Variants in ROBO1 observed in about 807,000 individuals in gnomAD.
ROBO1 encodes roundabout guidance receptor 1.
A neutral mutation model predicts 195.9 loss-of-function variants in ROBO1; 149 were observed. The ratio of observed to expected loss-of-function variants is 0.76; its 90% CI spans 0.67 to 0.87. The LOEUF is 0.87. Among genes scored for constraint, ROBO1 ranks in the 40% least tolerant of loss-of-function variants. The pLI is 0.00. For missense variants in ROBO1, 1,933 were observed against 2,068.3 expected, an observed-to-expected ratio of 0.93 and a Z score of 1.27; for synonymous variants, 816 against 733.2, an observed-to-expected ratio of 1.11 and a Z score of -1.82.
At position 78,808,902 on chromosome 3, in the gene ROBO1, A is replaced by G. The variant is rs1383011378; in HGVS notation, c.500-62002T>C. ...CTAAAACCATAAAAACACTAGAAGA[A>G]AACCGAGGCAATACCATTCAGGACA... On this transcript the variant is annotated intron_variant, in intron 4 of 30. Transcript: ENST00000464233. 4.6e-5 allele frequency among the ~76,000 whole-genome samples: 7 copies of G among 152,198 alleles called. No individual in the cohort carries two copies. The East Asian group carries it at 1.2e-3, about 25-fold the overall frequency.
intron 14 of ROBO1, among the ~76,000 whole-genome samples, chr3:78,665,967 A>C (rs1707709556): frequency 6.6e-6 from 1 of 151,476 alleles, no homozygotes; most frequent in African/African-American, 2.4e-5. Flanking sequence ...AGTTCTCCTA[A>C]TCCCCATGTG....
chr3:79,034,931 T>C (rs2078356801), intron 3 of ROBO1, among the ~76,000 whole-genome samples: 1 of 152,072 alleles, frequency 6.6e-6, no homozygotes, highest in Admixed American at 6.6e-5. Flanking sequence ...ACTTTGTTGG[T>C]GAAACAGACA....
At chr3:79,230,201 C>T (rs2082295206) in intron 2 of ROBO1, among the ~76,000 whole-genome samples, 1 of 152,160 alleles carries the variant, frequency 6.6e-6, no homozygotes, top group Non-Finnish European at 1.5e-5. Context: ...TAATAACCTA[C>T]TAAAGCCCAG....
Position 79,185,042 on chromosome 3 carries a change from C to G in ROBO1, c.89-59503G>C, listed in dbSNP as rs140252738. Among the ~76,000 whole-genome samples the G allele has an allele frequency of 1.9e-3, 296 of 152,290 alleles. 1 individual carries two copies. The highest frequency in any genetic ancestry group is 6.8e-3 in the African/African-American group (283 of 41,572). On this transcript the variant is annotated intron_variant, in intron 2 of 30. Transcript: ENST00000464233. The stretch of plus-strand genomic sequence containing the variant: ...CAACTTCAAAAAGCTCGGTTTCTTT[C>G]TCTGTAGAATGTGGTTGATGACTTC...
intron 2 of ROBO1, among the ~76,000 whole-genome samples, chr3:79,152,181 A>G (rs897203640): frequency 6.6e-6 from 1 of 151,912 alleles, no homozygotes; most frequent in Non-Finnish European, 1.5e-5. Flanking sequence ...GAAATATGTT[A>G]CATGTGCAAC....
rs78751988 is a variant in ROBO1 at position 79,481,155 on chromosome 3, C to T, written c.88+108669G>A. ...ATGAAATCCATCTATAGAAAGAAAT[C>T]GACTGCCTTGCAACGAAAATGCCAA... On this transcript the variant is annotated intron_variant, in intron 2 of 30. Coordinates refer to ENST00000464233, the MANE Select transcript of ROBO1 (RefSeq NM_002941.4). Among the ~76,000 whole-genome samples the T allele has an allele frequency of 1.7e-3, 252 of 152,100 alleles. 5 individuals are homozygous for T. The highest frequency in any genetic ancestry group is 1.9e-3 in the Non-Finnish European group (131 of 67,958).
At chr3:79,268,559 C>T (rs76744453) in intron 2 of ROBO1, among the ~76,000 whole-genome samples, 285 of 151,598 alleles carry the variant, frequency 1.9e-3, no homozygotes, top group South Asian at 3.1e-3. Context: ...TTCAAATTTA[C>T]GGTTTTATCT....
intron 2 of ROBO1, among the ~76,000 whole-genome samples, chr3:79,167,187 G>A (rs1354963444): frequency 7.4e-6 from 1 of 134,330 alleles, no homozygotes; most frequent in African/African-American, 3.3e-5. Flanking sequence ...AAAATTAATA[G>A]CACAAAAGCA....
chr3:79,231,248 A>G (rs1049975257), intron 2 of ROBO1, among the ~76,000 whole-genome samples: 1 of 152,204 alleles, frequency 6.6e-6, no homozygotes, highest in Non-Finnish European at 1.5e-5. Flanking sequence ...GATCTTCTGC[A>G]CAGCAAAAGA....
chr3:78,863,152 C>T (rs569423341), intron 4 of ROBO1, among the ~76,000 whole-genome samples: 1 of 152,210 alleles, frequency 6.6e-6, no homozygotes, highest in African/African-American at 2.4e-5. Context: ...TTTCAGTAAA[C>T]CCATAGAATG....
At chr3:79,136,705 A>T (rs187629751) in intron 2 of ROBO1, among the ~76,000 whole-genome samples, 12 of 152,286 alleles carry the variant, frequency 7.9e-5, no homozygotes, top group Admixed American at 5.2e-4. Context: ...GATCAAATTT[A>T]AGTTAAACTC....
intron 2 of ROBO1, among the ~76,000 whole-genome samples, chr3:79,172,935 C>T (rs78921472): frequency 0.088 from 13,432 of 152,188 alleles, 1,017 homozygotes; most frequent in African/African-American, 0.2. Context: ...CTTCTCTGCT[C>T]CTAGAAGATA....
intron 2 of ROBO1, among the ~76,000 whole-genome samples, chr3:79,540,577 C>T (rs1016094962): frequency 2.6e-5 from 4 of 152,124 alleles, no homozygotes; most frequent in Admixed American, 2.6e-4. Flanking sequence ...TCATAAACAA[C>T]ACATGCATTT....
intron 3 of ROBO1, among the ~76,000 whole-genome samples, chr3:79,009,536 T>A (rs1410660145): frequency 6.6e-6 from 1 of 152,178 alleles, no homozygotes; most frequent in African/African-American, 2.4e-5. Context: ...CAGAAACACA[T>A]ACTTAAAACA....
chr3:78,697,565 A>G (rs1035473158), intron 8 of ROBO1, among the ~76,000 whole-genome samples: 1 of 152,158 alleles, frequency 6.6e-6, no homozygotes, highest in East Asian at 1.9e-4. Flanking sequence ...AGTCTAGAAA[A>G]GAAGCAGTTA....
chr3:78,711,398 C>T (rs3927225), intron 8 of ROBO1, among the ~76,000 whole-genome samples: 15,342 of 38,146 alleles, frequency 0.4, 3,671 homozygotes, highest in Non-Finnish European at 0.49. Context: ...TTCCTTCCTT[C>T]CTTTCTTTCT....
chr3:79,138,327 C>T (rs1035842632), intron 2 of ROBO1, among the ~76,000 whole-genome samples: 2 of 151,784 alleles, frequency 1.3e-5, no homozygotes, highest in East Asian at 1.9e-4. Context: ...AAACACTGGG[C>T]CATAGTTTTG....
At chr3:79,379,987 C>T (rs368913293) in intron 2 of ROBO1, among the ~76,000 whole-genome samples, 292 of 152,234 alleles carry the variant, frequency 1.9e-3, no homozygotes, top group African/African-American at 6.7e-3. Context: ...AGAAATTATG[C>T]CCACATGTTC....
In ROBO1 at chr3:79,103,576, C is replaced by T. The variant is rs549895168; in HGVS notation, c.172+21880G>A. Among the ~76,000 whole-genome samples, 7 of 151,758 alleles carry T rather than the reference C, an allele frequency of 4.6e-5. 1 individual carries two copies. The highest frequency in any genetic ancestry group is 1.7e-4 in the African/African-American group (7 of 41,464). On this transcript the variant is annotated intron_variant, in intron 3 of 30. Transcript: ENST00000464233. Reference sequence around the variant, plus strand: ...TTCTTCTATCTTTAAAAATTTTTGTCGACATCTAACAAAAAGCAAATAGCT... The same window carrying T: ...TTCTTCTATCTTTAAAAATTTTTGTTGACATCTAACAAAAAGCAAATAGCT...
Sources: gnomAD v4.1 joint callset for allele counts (sites outside exome capture counted in the v4.1 genomes callset) on GRCh38, gnomAD v4.1.1 for gene constraint, MANE v1.5 for transcripts, NCBI Gene and HGNC (gene_info 2026-07-23, HGNC 2026-07-21) for gene names.